The following AGBL4 variants were observed in gnomAD, a reference collection of about 807,000 sequenced individuals.
The protein encoded by AGBL4 is AGBL carboxypeptidase 4, also known as cytosolic carboxypeptidase 6.
In AGBL4, 58 loss-of-function variants were observed where a neutral mutation model predicts 66.4. The ratio of observed to expected loss-of-function variants is 0.87; its 90% CI spans 0.71 to 1.09. The LOEUF (loss-of-function observed/expected upper bound fraction) is 1.09. Ranked by LOEUF, AGBL4 falls within the 50% of genes least tolerant of loss-of-function variation. The probability of loss-of-function intolerance (pLI) is 0.00; values close to 1 mark genes in which losing one functional copy is unlikely to be tolerated. For synonymous variants in AGBL4, 234 were observed against 222.9 expected (o/e 1.05, Z -0.44); for missense variants, 579 against 631.0 (o/e 0.92, Z 0.88).
At chr1:48,683,248 C>G (rs1005806819) in intron 6 of AGBL4, among the ~76,000 whole-genome samples, 51 of 152,224 alleles carry the variant, frequency 3.4e-4, no homozygotes, top group African/African-American at 1.1e-3. Flanking sequence ...CCTCCTGCCC[C>G]CAACAGCATC....
intron 4 of AGBL4, among the ~76,000 whole-genome samples, chr1:49,117,195 T>C (rs1340947969): frequency 2.6e-5 from 4 of 152,212 alleles, no homozygotes; most frequent in African/African-American, 7.2e-5. Context: ...TGGAAGTTTC[T>C]CTGGCTGTGC....
chr1:49,404,330 G>A (rs1645150519), intron 3 of AGBL4, among the ~76,000 whole-genome samples: 2 of 152,134 alleles, frequency 1.3e-5, no homozygotes, highest in South Asian at 4.1e-4. Context: ...TAGGAAGAAG[G>A]CAGCCATCTG....
chr1:48,701,415 G>A (rs191495965), intron 6 of AGBL4, among the ~76,000 whole-genome samples: 1 of 151,780 alleles, frequency 6.6e-6, no homozygotes, highest in Admixed American at 6.6e-5. Context: ...AATAATACAT[G>A]TTCTACCTAA....
chr1:48,656,739 T>C (rs1477411058), intron 7 of AGBL4, among the ~76,000 whole-genome samples: 8 of 152,056 alleles, frequency 5.3e-5, no homozygotes, highest in Admixed American at 5.2e-4. Flanking sequence ...AACCAAATAC[T>C]GCATGTTCTC....
At chr1:48,732,947 T>C (rs890146616) in intron 6 of AGBL4, among the ~76,000 whole-genome samples, 1 of 152,052 alleles carries the variant, frequency 6.6e-6, no homozygotes, top group African/African-American at 2.4e-5. Context: ...GAAGGAGGAA[T>C]GATCGTGTCA....
chr1:48,571,256 A>G (rs1644558765), intron 11 of AGBL4, among the ~76,000 whole-genome samples: 1 of 152,342 alleles, frequency 6.6e-6, no homozygotes, highest in East Asian at 1.9e-4. Flanking sequence ...GACATGTATG[A>G]TTTCTGAGTC....
intron 3 of AGBL4, among the ~76,000 whole-genome samples, chr1:49,554,679 T>C (rs1442850600): frequency 1.3e-5 from 2 of 152,238 alleles, no homozygotes; most frequent in Admixed American, 6.5e-5. Context: ...TTGGTCTCGC[T>C]GACTTCAAGA....
intron 11 of AGBL4, among the ~76,000 whole-genome samples, chr1:48,567,727 G>T (rs1325569508): frequency 6.6e-6 from 1 of 152,216 alleles, no homozygotes; most frequent in Non-Finnish European, 1.5e-5. Context: ...GAGGATAGTG[G>T]GTAGGAGCAG....
chr1:49,459,865 T>C (rs1237326042), intron 3 of AGBL4, among the ~76,000 whole-genome samples: 2 of 151,744 alleles, frequency 1.3e-5, no homozygotes, highest in Non-Finnish European at 2.9e-5. Flanking sequence ...GTGTCACTAT[T>C]ATCTTTCAAT....
At chr1:49,738,812 T>C (rs965688349) in intron 2 of AGBL4, among the ~76,000 whole-genome samples, 1 of 152,214 alleles carries the variant, frequency 6.6e-6, no homozygotes, top group African/African-American at 2.4e-5. Context: ...AGTGGACCTC[T>C]GGCAAATTCC....
At chr1:48,777,491 T>G (rs1020300894) in intron 6 of AGBL4, among the ~76,000 whole-genome samples, 7 of 152,208 alleles carry the variant, frequency 4.6e-5, no homozygotes, top group South Asian at 2.1e-4. Context: ...TTCTTTGCTT[T>G]CTTTCTTTTT....
chr1:49,536,929 C>T (rs755101853), intron 3 of AGBL4, among the ~76,000 whole-genome samples: 1 of 151,944 alleles, frequency 6.6e-6, no homozygotes, highest in Non-Finnish European at 1.5e-5. Flanking sequence ...ATCACTTAAA[C>T]CCGGGAGCTG....
intron 2 of AGBL4, among the ~76,000 whole-genome samples, chr1:49,804,208 A>T (rs1644926911): frequency 6.6e-6 from 1 of 152,066 alleles, no homozygotes; most frequent in South Asian, 2.1e-4. Context: ...AGTGTAAGCC[A>T]GCCGTGTCCA....
chr1:49,191,040 G>C (rs1334613705), intron 4 of AGBL4, among the ~76,000 whole-genome samples: 1 of 152,178 alleles, frequency 6.6e-6, no homozygotes, highest in Non-Finnish European at 1.5e-5. Context: ...ATATTGTTAA[G>C]TATACATTTT....
intron 6 of AGBL4, among the ~76,000 whole-genome samples, chr1:48,856,712 G>A (rs1345006556): frequency 2.6e-5 from 4 of 152,198 alleles, no homozygotes; most frequent in Non-Finnish European, 5.9e-5. Flanking sequence ...CTTTAACAAG[G>A]TTAAGAGGGG....
At chr1:49,250,484 G>T (rs556362377) in intron 3 of AGBL4, among the ~76,000 whole-genome samples, 1 of 136,358 alleles carries the variant, frequency 7.3e-6, no homozygotes. Flanking sequence ...TCATTCTGTC[G>T]CCAGGCTGGA....
intron 1 of AGBL4, among the ~76,000 whole-genome samples, chr1:50,011,528 C>T (rs10888675): frequency 0.93 from 142,329 of 152,248 alleles, 67,218 homozygotes; most frequent in East Asian, 1. Context: ...ATCTCACTGC[C>T]GGGTATATAA....
At chr1:48,580,220 C>T (rs1557802387) in intron 11 of AGBL4, among the ~76,000 whole-genome samples, 1 of 152,222 alleles carries the variant, frequency 6.6e-6, no homozygotes, top group Non-Finnish European at 1.5e-5. Context: ...TGAGCAGACA[C>T]ATCTGCTCAC....
intron 6 of AGBL4, among the ~76,000 whole-genome samples, chr1:48,825,823 C>A (rs1646415975): frequency 6.6e-6 from 1 of 152,100 alleles, no homozygotes; most frequent in Non-Finnish European, 1.5e-5. Context: ...TCTCTCAGTG[C>A]CCTGTTAATG....
Sources: gnomAD v4.1 joint callset for allele counts (sites outside exome capture counted in the v4.1 genomes callset) on GRCh38, gnomAD v4.1.1 for gene constraint, MANE v1.5 for transcripts, NCBI Gene and HGNC (gene_info 2026-07-23, HGNC 2026-07-21) for gene names.